The following SCHIP1 variants were observed in gnomAD, a reference collection of about 807,000 sequenced individuals.
SCHIP1 encodes the protein schwannomin interacting protein 1, also known as schwannomin-interacting protein 1.
A neutral mutation model predicts 29.7 loss-of-function variants in SCHIP1; 8 were observed. That is an observed-to-expected ratio of 0.27 (90% confidence interval 0.16 to 0.49). The LOEUF is 0.49. SCHIP1 is among the 20% of genes least tolerant of loss of function. SCHIP1 has a pLI of 0.99. For synonymous variants in SCHIP1, 76 were observed against 94.9 expected, an observed-to-expected ratio of 0.80 and a Z score of 1.16; for missense variants, 193 against 294.6, an observed-to-expected ratio of 0.66 and a Z score of 2.52.
the SCHIP1 span, among the ~76,000 whole-genome samples, chr3:159,345,226 C>CAAAAAAAAAAAAAAAAAA: frequency 8.5e-6 from 1 of 117,288 alleles, no homozygotes; most frequent in Non-Finnish European, 1.7e-5. Context: ...GACTCTGTCT[C>CAAAAAAAAAAAAAAAAAA]AAAAAAAAAA....
At chr3:159,818,032 G>A in the SCHIP1 span, among the ~76,000 whole-genome samples, 1 of 152,192 alleles carries the variant, frequency 6.6e-6, no homozygotes, top group Middle Eastern at 3.2e-3. Flanking sequence ...CCTAGAGGTA[G>A]ACCCTCAAGT....
the SCHIP1 span, among the ~76,000 whole-genome samples, chr3:159,792,606 A>G: frequency 6.6e-6 from 1 of 152,164 alleles, no homozygotes. Flanking sequence ...TTGGCATTTT[A>G]GTTGTTTATT....
At chr3:159,639,714 C>A in the SCHIP1 span, among the ~76,000 whole-genome samples, 2 of 152,148 alleles carry the variant, frequency 1.3e-5, no homozygotes, top group African/African-American at 4.8e-5. Flanking sequence ...TCTTCATAGA[C>A]CCCACTGTAG....
chr3:159,376,436 C>T, the SCHIP1 span, among the ~76,000 whole-genome samples: 1 of 152,050 alleles, frequency 6.6e-6, no homozygotes, highest in African/African-American at 2.4e-5. Context: ...CCACCTGCCT[C>T]CCCCCAAAAA....
At chr3:159,441,029 A>G in the SCHIP1 span, among the ~76,000 whole-genome samples, 1 of 152,320 alleles carries the variant, frequency 6.6e-6, no homozygotes, top group South Asian at 2.1e-4. Context: ...AGGCACTTCC[A>G]GCTTCCTTGT....
At chr3:159,486,830 C>T in the SCHIP1 span, among the ~76,000 whole-genome samples, 1 of 152,322 alleles carries the variant, frequency 6.6e-6, no homozygotes, top group East Asian at 1.9e-4. Flanking sequence ...GGCTGCTGTG[C>T]AAACACATTC....
chr3:159,350,444 G>C, the SCHIP1 span, among the ~76,000 whole-genome samples: 1 of 151,998 alleles, frequency 6.6e-6, no homozygotes, highest in Non-Finnish European at 1.5e-5. Context: ...TGAAATCGAG[G>C]CTATTAAACT....
the SCHIP1 span, among the ~76,000 whole-genome samples, chr3:159,652,042 G>T: frequency 6.6e-6 from 1 of 151,874 alleles, no homozygotes; most frequent in Non-Finnish European, 1.5e-5. Flanking sequence ...GTTGCAGTGA[G>T]CCCAGATTGT....
intron 6 of SCHIP1, chr3:159,893,986 G>A (rs1219376552): frequency 6.6e-6 from 1 of 152,224 alleles, no homozygotes; most frequent in African/African-American, 2.4e-5. Context: ...GGTGGCTGTG[G>A]GGACTGCTGG....
At chr3:159,625,876 C>T in the SCHIP1 span, among the ~76,000 whole-genome samples, 1 of 151,978 alleles carries the variant, frequency 6.6e-6, no homozygotes, top group Non-Finnish European at 1.5e-5. Context: ...CTGTGCTTCT[C>T]CCTACATGTA....
At chr3:159,510,130 C>T in the SCHIP1 span, among the ~76,000 whole-genome samples, 62 of 152,326 alleles carry the variant, frequency 4.1e-4, no homozygotes, top group African/African-American at 1.3e-3. Flanking sequence ...TTGGTCTTTT[C>T]ACATAGTCCC....
At chr3:159,554,130 A>G in the SCHIP1 span, among the ~76,000 whole-genome samples, 2 of 151,986 alleles carry the variant, frequency 1.3e-5, no homozygotes, top group African/African-American at 2.4e-5. Context: ...TTGGCTTCCC[A>G]AAGTGCTGGG....
chr3:159,670,200 G>A, the SCHIP1 span, among the ~76,000 whole-genome samples: 1 of 152,164 alleles, frequency 6.6e-6, no homozygotes, highest in Non-Finnish European at 1.5e-5. Context: ...GACCATTCAA[G>A]GCATTGAGAT....
At chr3:159,395,323 G>A in the SCHIP1 span, among the ~76,000 whole-genome samples, 1 of 151,942 alleles carries the variant, frequency 6.6e-6, no homozygotes, top group East Asian at 1.9e-4. Context: ...ATTTCCTTCA[G>A]TTCTGCTCTG....
At chr3:159,304,961 G>A in the SCHIP1 span, among the ~76,000 whole-genome samples, 1 of 151,866 alleles carries the variant, frequency 6.6e-6, no homozygotes, top group Non-Finnish European at 1.5e-5. Context: ...CTCAAACCCC[G>A]ATCCCTCCCT....
the SCHIP1 span, among the ~76,000 whole-genome samples, chr3:159,760,891 T>TA: frequency 0.82 from 124,856 of 152,224 alleles, 51,849 homozygotes; most frequent in East Asian, 0.99. Flanking sequence ...ATGAGTCTAG[T>TA]GAGAAGATTA....
the SCHIP1 span, among the ~76,000 whole-genome samples, chr3:159,647,770 AC>A: frequency 6.6e-6 from 1 of 152,208 alleles, no homozygotes; most frequent in Non-Finnish European, 1.5e-5. Flanking sequence ...GCTGACAGAA[AC>A]AAAAATGGAA....
chr3:159,846,470 G>C (rs570951021), intron 1 of SCHIP1, among the ~76,000 whole-genome samples: 1 of 152,042 alleles, frequency 6.6e-6, no homozygotes, highest in African/African-American at 2.4e-5. Flanking sequence ...TATCCCTATC[G>C]ACACCAGGAC....
chr3:159,680,700 A>ATATG, the SCHIP1 span, among the ~76,000 whole-genome samples: 1 of 19,868 alleles, frequency 5.0e-5, no homozygotes, highest in African/African-American at 2.0e-4. Flanking sequence ...TATATATAAT[A>ATATG]TATATTATAT....
Sources: allele counts gnomAD v4.1 joint callset (sites outside exome capture counted in the v4.1 genomes callset), GRCh38; gene constraint gnomAD v4.1.1; transcripts MANE v1.5; gene names NCBI Gene and HGNC (gene_info 2026-07-23, HGNC 2026-07-21).